Variants in TYW1 observed in about 807,000 individuals in gnomAD.
TYW1 encodes the protein tRNA-yW synthesizing protein 1 homolog, also known as S-adenosyl-L-methionine-dependent tRNA 4-demethylwyosine synthase TYW1.
TYW1 carries 46 observed loss-of-function variants against 96.2 expected under a neutral mutation model. The observed-to-expected ratio is 0.48, with a 90% CI of 0.38 to 0.61. The LOEUF (loss-of-function observed/expected upper bound fraction) is 0.61, where lower values mean the gene tolerates loss of function less well. TYW1 is among the 20% of genes least tolerant of loss of function. TYW1 has a pLI of 0.00. For synonymous variants in TYW1, 274 were observed against 323.0 expected (o/e 0.85, Z 1.63); for missense variants, 684 against 909.6 (o/e 0.75, Z 3.19).
chr7:67,213,381 G>A (rs1801103147), intron 15 of TYW1, among the ~76,000 whole-genome samples: 1 of 152,034 alleles, frequency 6.6e-6, no homozygotes, highest in South Asian at 2.1e-4. Context: ...GCTGGTAGTT[G>A]GTTATTTTCT....
At chr7:67,152,178 CA>C (rs1283589351) in intron 13 of TYW1, among the ~76,000 whole-genome samples, 2 of 152,050 alleles carry the variant, frequency 1.3e-5, no homozygotes, top group Non-Finnish European at 2.9e-5. Flanking sequence ...GGGTAGCTGC[CA>C]CAGAGACCAT....
At chr7:67,022,908 G>A (rs942471609) in intron 6 of TYW1, among the ~76,000 whole-genome samples, 4 of 152,124 alleles carry the variant, frequency 2.6e-5, no homozygotes, top group Admixed American at 6.6e-5. Context: ...ATAGGAGAGC[G>A]TAAGATCGTC....
intron 15 of TYW1, among the ~76,000 whole-genome samples, chr7:67,210,126 G>A (rs1337146139): frequency 6.6e-6 from 1 of 152,096 alleles, no homozygotes; most frequent in Non-Finnish European, 1.5e-5. Flanking sequence ...ACATTTAGTT[G>A]TCAATTCTCT....
intron 6 of TYW1, among the ~76,000 whole-genome samples, chr7:67,022,916 G>A (rs1039576008): frequency 1.3e-5 from 2 of 152,116 alleles, no homozygotes; most frequent in East Asian, 1.9e-4. Context: ...GCGTAAGATC[G>A]TCCGTGATAA....
At chr7:67,155,720 G>A (rs574684577) in intron 13 of TYW1, among the ~76,000 whole-genome samples, 204 of 152,184 alleles carry the variant, frequency 1.3e-3, no homozygotes, top group African/African-American at 4.7e-3. Flanking sequence ...CACTGAGCCC[G>A]GCTAAGTATT....
intron 9 of TYW1, among the ~76,000 whole-genome samples, chr7:67,058,150 G>A (rs1439294515): frequency 6.6e-6 from 1 of 152,022 alleles, no homozygotes; most frequent in Non-Finnish European, 1.5e-5. Flanking sequence ...TAGCCAGGAT[G>A]GTCTCAATCT....
intron 7 of TYW1, among the ~76,000 whole-genome samples, chr7:67,043,081 A>C (rs536813611): frequency 6.6e-6 from 1 of 152,008 alleles, no homozygotes; most frequent in South Asian, 2.1e-4. Context: ...GAGATGATCA[A>C]ACTATTATCA....
intron 7 of TYW1, among the ~76,000 whole-genome samples, chr7:67,045,398 TG>T (rs1381349009): frequency 7.2e-5 from 11 of 151,978 alleles, no homozygotes; most frequent in Non-Finnish European, 1.5e-4. Context: ...ATTTTTTTTT[TG>T]TAGAGCTGAG....
At chr7:67,219,851 T>G (rs1026801287) in intron 15 of TYW1, among the ~76,000 whole-genome samples, 4 of 81,598 alleles carry the variant, frequency 4.9e-5, no homozygotes, top group South Asian at 4.1e-4. Context: ...GTGGGTTTTT[T>G]TTTTTTTTTT....
intron 9 of TYW1, among the ~76,000 whole-genome samples, chr7:67,058,330 G>A (rs559736162): frequency 5.0e-4 from 76 of 152,268 alleles, no homozygotes; most frequent in African/African-American, 1.7e-3. Context: ...TTTTGATACA[G>A]AAGTTATATA....
At chr7:67,013,997 C>G (rs1192654433) in intron 4 of TYW1, among the ~76,000 whole-genome samples, 4 of 152,144 alleles carry the variant, frequency 2.6e-5, no homozygotes, top group African/African-American at 9.7e-5. Flanking sequence ...CCCGCCTCAG[C>G]CTCCCAAAGT....
intron 12 of TYW1, among the ~76,000 whole-genome samples, chr7:67,110,771 G>A (rs1322770038): frequency 5.9e-5 from 9 of 152,118 alleles, no homozygotes; most frequent in African/African-American, 1.9e-4. Flanking sequence ...TCGGGAGGCT[G>A]GGACGGGAGG....
In TYW1 at chr7:67,062,566, C is replaced by CA. The variant is rs56770876; in HGVS notation, c.1156-4704dup. Among the ~76,000 whole-genome samples, 764 of 89,062 alleles carry CA rather than the reference C, an allele frequency of 8.6e-3. 31 individuals are homozygous for CA. Among genetic ancestry groups the CA allele is most frequent in the African/African-American group, 0.027 (591 of 22,258 alleles). The allele number at this position is 89,062 out of a possible 152,430, so 58.4% of individuals were successfully genotyped here. On this transcript the variant is annotated intron_variant, in intron 9 of 15. Coordinates refer to ENST00000359626, the MANE Select transcript of TYW1 (RefSeq NM_018264.4). Reference sequence around the variant, plus strand: ...TGGGTGACAGAGCGAGACTCCGTCTCAAAAAAAAAAAAAAAGAAAAGAAAA... The same window carrying CA: ...TGGGTGACAGAGCGAGACTCCGTCTCAAAAAAAAAAAAAAAAGAAAAGAAAA...
Position 67,071,271 on chromosome 7 carries a change from T to C in TYW1, c.1274+3868T>C, listed in dbSNP as rs1228470292. Among the ~76,000 whole-genome samples, 5 of 152,206 alleles carry C rather than the reference T, an allele frequency of 3.3e-5. No homozygotes were observed. The East Asian group carries it at 9.7e-4, about 29-fold the overall frequency. On this transcript the variant is annotated intron_variant, in intron 10 of 15. Coordinates refer to ENST00000359626, the MANE Select transcript of TYW1 (RefSeq NM_018264.4). Reference sequence around the variant, plus strand: ...TAGTGAGTTTTCTAAACTATATTTGTAAAGATTTTATTCTTTGTTTTATAT... The same window carrying C: ...TAGTGAGTTTTCTAAACTATATTTGCAAAGATTTTATTCTTTGTTTTATAT...
rs149280766 is a variant in TYW1 at position 67,056,841 on chromosome 7, T to G, written c.1155+954T>G. Among the ~76,000 whole-genome samples, 115 of 152,306 alleles carry G rather than the reference T, an allele frequency of 7.6e-4. No homozygotes were observed. The East Asian group carries it at 0.022, about 29-fold the overall frequency. On this transcript the variant is annotated intron_variant, in intron 9 of 15. Coordinates refer to ENST00000359626, the MANE Select transcript of TYW1 (RefSeq NM_018264.4). ...CATAGAGTAGGTATATATTTAACTT[T>G]AGAAGAAACTCCGAAACTGTTGTCA...
At chr7:67,044,219 C>T (rs1049366702) in intron 7 of TYW1, among the ~76,000 whole-genome samples, 8 of 151,376 alleles carry the variant, frequency 5.3e-5, no homozygotes, top group African/African-American at 9.7e-5. Flanking sequence ...CTGCCTCAGC[C>T]TCCTGAATAG....
At chr7:67,095,836 T>A (rs1458518689) in intron 11 of TYW1, among the ~76,000 whole-genome samples, 1 of 152,108 alleles carries the variant, frequency 6.6e-6, no homozygotes. Context: ...AAAATCACTT[T>A]CTGAAAACTG....
intron 15 of TYW1, among the ~76,000 whole-genome samples, chr7:67,211,342 A>G (rs995913055): frequency 3.9e-5 from 6 of 152,210 alleles, no homozygotes; most frequent in Non-Finnish European, 7.3e-5. Flanking sequence ...GTATGCTGCC[A>G]TGCTGGGCAC....
intron 13 of TYW1, among the ~76,000 whole-genome samples, chr7:67,151,804 T>TTTGTTG (rs1554377566): frequency 6.6e-6 from 1 of 151,602 alleles, no homozygotes. Flanking sequence ...TGCTGCTTTT[T>TTTGTTG]TTGTTGTTGT....
Sources: allele counts gnomAD v4.1 joint callset (sites outside exome capture counted in the v4.1 genomes callset), GRCh38; gene constraint gnomAD v4.1.1; transcripts MANE v1.5; gene names NCBI Gene and HGNC (gene_info 2026-07-23, HGNC 2026-07-21).